PDE8B: variants seen among roughly 807,000 people sequenced by gnomAD.
The protein encoded by PDE8B is high affinity cAMP-specific and IBMX-insensitive 3',5'-cyclic phosphodiesterase 8B.
In PDE8B, 26 loss-of-function variants were observed where a neutral mutation model predicts 101.3. That is an observed-to-expected ratio of 0.26 (90% confidence interval 0.19 to 0.36). The LOEUF is 0.36. PDE8B is among the 10% of genes least tolerant of loss of function. The pLI, the probability that PDE8B is intolerant of heterozygous loss-of-function variation, is 1.00. For synonymous variants in PDE8B, 424 were observed against 429.3 expected (o/e 0.99, Z 0.15); for missense variants, 810 against 1,163.1 (o/e 0.70, Z 4.42).
chr5:77,336,246 A>G (rs1038157614), intron 5 of PDE8B, among the ~76,000 whole-genome samples: 1 of 152,196 alleles, frequency 6.6e-6, no homozygotes, highest in Admixed American at 6.5e-5. Flanking sequence ...AAAGTGAACA[A>G]TTCAGTGACA....
chr5:77,092,330 A>G, the PDE8B span, among the ~76,000 whole-genome samples: 1 of 152,184 alleles, frequency 6.6e-6, no homozygotes, highest in African/African-American at 2.4e-5. Flanking sequence ...AAACTACAAA[A>G]TATGTCTCAA....
chr5:77,139,161 A>C, the PDE8B span: 1 of 152,248 alleles, frequency 6.6e-6, no homozygotes, highest in Admixed American at 6.5e-5. Flanking sequence ...TGCCAGAGTA[A>C]CTTGTCTGTG....
chr5:77,300,077 C>T (rs1298210156), intron 1 of PDE8B, among the ~76,000 whole-genome samples: 4 of 152,168 alleles, frequency 2.6e-5, no homozygotes, highest in African/African-American at 4.8e-5. Flanking sequence ...CATAGAGTAC[C>T]CAGTGTTCTG....
chr5:77,240,673 A>G (rs886782630), intron 1 of PDE8B, among the ~76,000 whole-genome samples: 3 of 152,246 alleles, frequency 2.0e-5, no homozygotes, highest in African/African-American at 4.8e-5. Flanking sequence ...ACCCACACTA[A>G]TTATTCAAAC....
chr5:77,222,280 A>AT, intron 1 of PDE8B, among the ~76,000 whole-genome samples: 1 of 152,018 alleles, frequency 6.6e-6, no homozygotes, highest in Non-Finnish European at 1.5e-5. Context: ...GTGTGTGTGT[A>AT]TTTTCTGCCT....
the PDE8B span, among the ~76,000 whole-genome samples, chr5:77,120,728 A>G: frequency 1.3e-5 from 2 of 152,228 alleles, no homozygotes; most frequent in African/African-American, 4.8e-5. Context: ...CACATTGGCT[A>G]CAACTGAGCA....
At chr5:77,308,137 T>C (rs567121641) in intron 1 of PDE8B, among the ~76,000 whole-genome samples, 1 of 152,380 alleles carries the variant, frequency 6.6e-6, no homozygotes, top group South Asian at 2.1e-4. Context: ...TACAGGTTTT[T>C]TCCTGCTGGT....
intron 1 of PDE8B, among the ~76,000 whole-genome samples, chr5:77,274,751 G>A (rs147647722): frequency 2.0e-5 from 3 of 152,096 alleles, no homozygotes; most frequent in African/African-American, 7.2e-5. Context: ...GTCATAGTTG[G>A]AAAATTTACA....
At chr5:77,342,844 C>T (rs1407326383) in intron 6 of PDE8B, among the ~76,000 whole-genome samples, 1 of 152,122 alleles carries the variant, frequency 6.6e-6, no homozygotes, top group Non-Finnish European at 1.5e-5. Context: ...GTTTGCCTTT[C>T]ACCATGCCAG....
intron 10 of PDE8B, among the ~76,000 whole-genome samples, chr5:77,379,362 TTCATATGCAGTTTCATCTATA>T (rs1787011343): frequency 6.6e-6 from 1 of 152,182 alleles, no homozygotes; most frequent in South Asian, 2.1e-4. Context: ...ATCCTAGAAA[TTCATATGCAGTTTCATCTATA>T]TCAAACCAAT....
chr5:77,363,148 A>G (rs1488952177), intron 10 of PDE8B, among the ~76,000 whole-genome samples: 1 of 152,212 alleles, frequency 6.6e-6, no homozygotes, highest in East Asian at 1.9e-4. Flanking sequence ...TGCAATCCTT[A>G]CCACAACTCC....
chr5:77,237,626 T>G (rs974895930), intron 1 of PDE8B, among the ~76,000 whole-genome samples: 1 of 152,170 alleles, frequency 6.6e-6, no homozygotes, highest in Admixed American at 6.5e-5. Context: ...TCAAACATAC[T>G]TTAAAGAATT....
chr5:77,250,623 G>A (rs1197693373), intron 1 of PDE8B, among the ~76,000 whole-genome samples: 1 of 152,118 alleles, frequency 6.6e-6, no homozygotes, highest in East Asian at 1.9e-4. Context: ...TTGTATTTTT[G>A]CCTGCCCAGT....
At chr5:77,308,948 G>A (rs1474766095) in intron 1 of PDE8B, among the ~76,000 whole-genome samples, 1 of 152,096 alleles carries the variant, frequency 6.6e-6, no homozygotes, top group Non-Finnish European at 1.5e-5. Context: ...GGAGGCCGAG[G>A]CGGGCAGATC....
At chr5:77,137,055 T>TG in the PDE8B span, among the ~76,000 whole-genome samples, 1 of 152,178 alleles carries the variant, frequency 6.6e-6, no homozygotes, top group African/African-American at 2.4e-5. Context: ...TCTCTGCAGG[T>TG]TCTTACATTT....
At chr5:77,188,279 T>G in the PDE8B span, among the ~76,000 whole-genome samples, 1 of 152,194 alleles carries the variant, frequency 6.6e-6, no homozygotes, top group Non-Finnish European at 1.5e-5. Flanking sequence ...AGATGAATAA[T>G]ATTGATAAAG....
chr5:77,225,627 C>G (rs933683995), intron 1 of PDE8B, among the ~76,000 whole-genome samples: 1 of 152,008 alleles, frequency 6.6e-6, no homozygotes, highest in Non-Finnish European at 1.5e-5. Flanking sequence ...CTGGTCATTG[C>G]TTCTGGACTT....
the PDE8B span, chr5:77,106,149 A>G: frequency 6.6e-6 from 1 of 152,176 alleles, no homozygotes; most frequent in Non-Finnish European, 1.5e-5. Flanking sequence ...GTGTTTTTCA[A>G]TGAGCAAAAA....
At chr5:77,398,434 G>C (rs964284595) in intron 10 of PDE8B, among the ~76,000 whole-genome samples, 3 of 148,678 alleles carry the variant, frequency 2.0e-5, no homozygotes, top group Non-Finnish European at 4.4e-5. Context: ...CAATTCTCCT[G>C]CCTCAGCCTC....
Sources: allele counts gnomAD v4.1 joint callset (sites outside exome capture counted in the v4.1 genomes callset), GRCh38; gene constraint gnomAD v4.1.1; transcripts MANE v1.5; gene names NCBI Gene and HGNC (gene_info 2026-07-23, HGNC 2026-07-21).